Variants in STIM1 observed in about 807,000 individuals in gnomAD.
The protein encoded by STIM1 is stromal interaction molecule 1.
A neutral mutation model predicts 74.7 loss-of-function variants in STIM1; 25 were observed. The ratio of observed to expected loss-of-function variants is 0.33; its 90% confidence interval spans 0.24 to 0.47. The LOEUF is 0.47. Ranked by LOEUF, STIM1 falls within the 20% of genes least tolerant of loss-of-function variation. STIM1 has a pLI of 1.00. For missense variants in STIM1, 728 were observed against 920.8 expected (o/e 0.79, Z 2.71); for synonymous variants, 328 against 348.8 (o/e 0.94, Z 0.66).
chr11:4,047,354 G>A (rs1185659610), intron 3 of STIM1, among the ~76,000 whole-genome samples: 2 of 152,090 alleles, frequency 1.3e-5, no homozygotes, highest in Non-Finnish European at 2.9e-5. Flanking sequence ...AGTAGCTCAC[G>A]TCTGTAATCC....
chr11:4,030,309 A>G (rs1304467181), intron 3 of STIM1, among the ~76,000 whole-genome samples: 6 of 147,138 alleles, frequency 4.1e-5, no homozygotes, highest in African/African-American at 1.5e-4. Flanking sequence ...CCTGGGTGAA[A>G]GAGTGAAACT....
At chr11:3,979,774 G>A (rs567283225) in intron 2 of STIM1, among the ~76,000 whole-genome samples, 3 of 152,068 alleles carry the variant, frequency 2.0e-5, no homozygotes, top group Non-Finnish European at 2.9e-5. Flanking sequence ...ACCTCCTACC[G>A]CTTCGGTCTG....
At chr11:3,946,317 A>G (rs2093072978) in intron 1 of STIM1, among the ~76,000 whole-genome samples, 2 of 152,184 alleles carry the variant, frequency 1.3e-5, no homozygotes, top group South Asian at 4.1e-4. Flanking sequence ...AATTAAATTA[A>G]TATGAAATGC....
chr11:3,999,999 G>A (rs1383824742), intron 2 of STIM1, among the ~76,000 whole-genome samples: 1 of 152,094 alleles, frequency 6.6e-6, no homozygotes, highest in Non-Finnish European at 1.5e-5. Flanking sequence ...AGCAGTCTGA[G>A]ATCAAACTGC....
At chr11:3,993,392 C>T (rs1045350460) in intron 2 of STIM1, among the ~76,000 whole-genome samples, 2 of 152,140 alleles carry the variant, frequency 1.3e-5, no homozygotes, top group Non-Finnish European at 2.9e-5. Context: ...CGTGATGGCT[C>T]AAGCCTGTAA....
At chr11:3,860,255 T>C (rs1338133282) in intron 1 of STIM1, among the ~76,000 whole-genome samples, 1 of 152,268 alleles carries the variant, frequency 6.6e-6, no homozygotes, top group Non-Finnish European at 1.5e-5. Flanking sequence ...CTAACTTTTT[T>C]AGAGCTTACT....
intron 1 of STIM1, among the ~76,000 whole-genome samples, chr11:3,861,341 C>T (rs1332667305): frequency 6.6e-6 from 1 of 151,676 alleles, no homozygotes; most frequent in Non-Finnish European, 1.5e-5. Context: ...TCATGCCATT[C>T]TCCTGCCTCA....
intron 9 of STIM1, 47 bp downstream of exon 9, chr11:4,083,029 A>T (rs1273795001): frequency 6.4e-7 from 1 of 1,551,524 alleles, no homozygotes; most frequent in African/African-American, 1.4e-5. Context: ...TATCATCCTC[A>T]GAATTTGAGG....
At position 4,091,665 on chromosome 11, in the gene STIM1, C is replaced by A; in HGVS notation, c.2018C>A (p.Thr673Lys). ...DSRALQASRNTRIPHLAGKKA... is the reference protein window; with the variant it reads ...DSRALQASRNKRIPHLAGKKA... ...CGAGCCCTGCAAGCCAGCCGAAACA[C>A]ACGCATTCCCCACCTGGCTGGCAAG... Residue 673 changes from threonine (T) to lysine (K), a missense_variant, in exon 13 of 13, where the codon ACA becomes AAA. Physicochemically the swap from Thr to Lys is moderately conservative, Grantham distance 78 (BLOSUM62 -1). Transcript: ENST00000526596. 6.2e-7 allele frequency: 1 copy of A among 1,614,252 alleles called. No individual in the cohort carries two copies. Among genetic ancestry groups the A allele is most frequent in the Non-Finnish European group, 8.5e-7 (1 of 1,180,050 alleles).
At chr11:3,990,033 A>G (rs866683281) in intron 2 of STIM1, among the ~76,000 whole-genome samples, 3 of 152,224 alleles carry the variant, frequency 2.0e-5, no homozygotes, top group Non-Finnish European at 4.4e-5. Context: ...CCACATACGC[A>G]TTAGCTATTG....
chr11:4,053,188 C>G (rs546689549), intron 3 of STIM1, among the ~76,000 whole-genome samples: 1 of 152,158 alleles, frequency 6.6e-6, no homozygotes, highest in African/African-American at 2.4e-5. Context: ...CCTCAAGGAT[C>G]TAGAACTAGA....
At chr11:4,069,475 T>C (rs1456707928) in intron 5 of STIM1, among the ~76,000 whole-genome samples, 1 of 152,188 alleles carries the variant, frequency 6.6e-6, no homozygotes, top group African/African-American at 2.4e-5. Context: ...AGAAATGTTC[T>C]CCATAGATTG....
chr11:4,017,378 T>G (rs1435793014), intron 2 of STIM1, among the ~76,000 whole-genome samples: 1 of 152,222 alleles, frequency 6.6e-6, no homozygotes, highest in Non-Finnish European at 1.5e-5. Flanking sequence ...TGACCCTACT[T>G]GTTTTTTGTG....
chr11:3,905,368 G>T (rs904514414), intron 1 of STIM1, among the ~76,000 whole-genome samples: 4 of 151,488 alleles, frequency 2.6e-5, no homozygotes. Context: ...CAGGTTCAAA[G>T]ATTTTTTTTT....
chr11:3,899,579 A>G (rs1197186415), intron 1 of STIM1, among the ~76,000 whole-genome samples: 1 of 149,984 alleles, frequency 6.7e-6, no homozygotes, highest in Admixed American at 6.6e-5. Context: ...GAGAGAGGGC[A>G]TCCCTGTCTT....
At chr11:3,869,019 A>G (rs951919851) in intron 1 of STIM1, among the ~76,000 whole-genome samples, 2 of 151,520 alleles carry the variant, frequency 1.3e-5, no homozygotes, top group African/African-American at 4.9e-5. Flanking sequence ...CCCAGGCTGG[A>G]GTGCAGTGGC....
chr11:3,867,484 T>A (rs1160398879), intron 1 of STIM1: 1 of 152,246 alleles, frequency 6.6e-6, no homozygotes, highest in Non-Finnish European at 1.5e-5. Context: ...GAATGAACTT[T>A]CACTACTTTG....
intron 1 of STIM1, among the ~76,000 whole-genome samples, chr11:3,882,092 C>CTTTTT (rs946580998): frequency 5.8e-4 from 54 of 92,316 alleles, no homozygotes; most frequent in Admixed American, 1.2e-3. Flanking sequence ...CACTTCATTC[C>CTTTTT]TTTTTTTTTT....
intron 2 of STIM1, among the ~76,000 whole-genome samples, chr11:4,001,498 T>C (rs1446714464): frequency 5.3e-5 from 8 of 152,150 alleles, no homozygotes; most frequent in Admixed American, 5.2e-4. Context: ...GCTTGACAAG[T>C]GCAGGAGAAA....
Sources: allele counts gnomAD v4.1 joint callset (sites outside exome capture counted in the v4.1 genomes callset), GRCh38; gene constraint gnomAD v4.1.1; transcripts MANE v1.5; gene names NCBI Gene and HGNC (gene_info 2026-07-23, HGNC 2026-07-21).